Variants in SMC1B observed in about 807,000 individuals in gnomAD.
The protein encoded by SMC1B is structural maintenance of chromosomes protein 1B.
A neutral mutation model predicts 157.9 loss-of-function variants in SMC1B; 60 were observed. That is an observed-to-expected ratio of 0.38 (90% CI 0.31 to 0.47). The LOEUF is 0.47. Ranked by LOEUF, SMC1B falls within the 20% of genes least tolerant of loss-of-function variation. The pLI, the probability that SMC1B is intolerant of heterozygous loss-of-function variation, is 0.99. For missense variants in SMC1B, 1,165 were observed against 1,426.2 expected (o/e 0.82, Z 2.95); for synonymous variants, 445 against 483.0 (o/e 0.92, Z 1.03).
At chr22:45,399,854 T>G (rs191013695) in intron 5 of SMC1B, among the ~76,000 whole-genome samples, 3 of 152,152 alleles carry the variant, frequency 2.0e-5, no homozygotes, top group African/African-American at 4.8e-5. Flanking sequence ...ATGCTTTCCA[T>G]GGGGGTACGG....
chr22:45,371,765 C>A (rs751761179), intron 13 of SMC1B, among the ~76,000 whole-genome samples, 178 bp from the exon 14 acceptor site: 6 of 152,120 alleles, frequency 3.9e-5, no homozygotes. Flanking sequence ...TAATCTCAAT[C>A]ATGGGATAAA....
At chr22:45,394,351 G>A (rs965952357) in intron 8 of SMC1B, among the ~76,000 whole-genome samples, 24 of 151,936 alleles carry the variant, frequency 1.6e-4, no homozygotes, top group African/African-American at 5.1e-4. Context: ...ACATAAATAA[G>A]AAAGCTGCAA....
intron 11 of SMC1B, among the ~76,000 whole-genome samples, 182 bp from the exon 12 acceptor site, chr22:45,383,795 C>G (rs761627250): frequency 5.3e-5 from 8 of 152,110 alleles, no homozygotes; most frequent in Non-Finnish European, 8.8e-5. Flanking sequence ...AAATATAAAA[C>G]CCATTTTACT....
intron 12 of SMC1B, among the ~76,000 whole-genome samples, chr22:45,381,302 C>T (rs2086934521): frequency 6.6e-6 from 1 of 151,992 alleles, no homozygotes; most frequent in East Asian, 1.9e-4. Flanking sequence ...AATCACAGCA[C>T]CCCACAAGGA....
Position 45,386,528 on chromosome 22 carries a change from T to G in SMC1B, c.1911+339A>C, listed in dbSNP as rs567383281. Reference sequence around the variant, plus strand: ...AATAAATACCCAAAATCTTTCCTGGTATTCAAAACCACAGGTACCATATCC... The same window carrying G: ...AATAAATACCCAAAATCTTTCCTGGGATTCAAAACCACAGGTACCATATCC... On this transcript the variant is annotated intron_variant, in intron 11 of 24. Transcript: ENST00000357450. 4.6e-5 allele frequency among the ~76,000 whole-genome samples: 7 copies of G among 152,218 alleles called. No individual in the cohort carries two copies. In the East Asian group the frequency reaches 1.3e-3, roughly 29 times the overall value.
intron 19 of SMC1B, among the ~76,000 whole-genome samples, chr22:45,356,768 C>T (rs532058376): frequency 4.7e-4 from 62 of 132,086 alleles, no homozygotes; most frequent in South Asian, 9.6e-4. Context: ...CTTTCTCTGT[C>T]ACCCTGGCTG....
chr22:45,380,825 C>T (rs1353009365), intron 12 of SMC1B, among the ~76,000 whole-genome samples: 9 of 152,076 alleles, frequency 5.9e-5, no homozygotes, highest in South Asian at 2.1e-4. Context: ...ACTTGGGTGG[C>T]TGAGGTAGAA....
chr22:45,403,979 T>C (rs1000725729), intron 4 of SMC1B, among the ~76,000 whole-genome samples: 3 of 152,198 alleles, frequency 2.0e-5, no homozygotes, highest in Non-Finnish European at 4.4e-5. Flanking sequence ...TCTCACTCTG[T>C]CGCCCAGGCT....
chr22:45,354,220 G>A, intron 20 of SMC1B, 88 bp from the exon 21 acceptor site: 1 of 1,121,888 alleles, frequency 8.9e-7, no homozygotes, highest in South Asian at 2.4e-5. Context: ...TTTTAAAATT[G>A]GATTTGAGTT....
At chr22:45,387,681 A>G (rs184562461) in intron 10 of SMC1B, among the ~76,000 whole-genome samples, 1 of 152,330 alleles carries the variant, frequency 6.6e-6, no homozygotes, top group Admixed American at 6.5e-5. Flanking sequence ...ATCTAGTGAA[A>G]AATAATGCCC....
rs1438009374 is a variant in SMC1B, at chr22:45,389,815, G to A, written c.1628C>T (p.Thr543Ile). 6.2e-7 allele frequency: 1 copy of A among 1,614,086 alleles called. No individual in the cohort carries two copies. The highest frequency in any genetic ancestry group is 8.5e-7 in the Non-Finnish European group (1 of 1,179,966). ...AVTKVFGRFITAIVVASEKVA... is the reference protein window; with the variant it reads ...AVTKVFGRFIIAIVVASEKVA... ...CTTTTCAGAGGCTACAACAATGGCA[G>A]TGATGAACCGGCCAAAAACCTTAGT... The change falls in exon 10 of 25, where the codon ACT (threonine) becomes ATT (isoleucine). Residue 543 changes from threonine (T) to isoleucine (I), a missense_variant. Coordinates refer to ENST00000357450, the MANE Select transcript of SMC1B (RefSeq NM_148674.5).
intron 12 of SMC1B, among the ~76,000 whole-genome samples, chr22:45,374,305 T>C (rs865822461): frequency 2.5e-4 from 38 of 152,196 alleles, no homozygotes; most frequent in Middle Eastern, 6.8e-3. Context: ...AAAAAACTTT[T>C]AGATGATCAA....
intron 15 of SMC1B, among the ~76,000 whole-genome samples, chr22:45,364,186 C>T (rs779729047): frequency 2.0e-5 from 3 of 152,046 alleles, no homozygotes; most frequent in Admixed American, 6.6e-5. Flanking sequence ...AACTTGGGAA[C>T]GTTCATTCCT....
In SMC1B at chr22:45,352,570, A is replaced by T; in HGVS notation, c.3306T>A (p.Pro1102=). ...AFLSPENPEE[P]YLEGISYNCV... Reference sequence around the variant, plus strand: ...AGTTATAGCTAATTCCCTCCAAGTAAGGTTCTTCAGGGTTCTCTGGGCTAA... The same window carrying T: ...AGTTATAGCTAATTCCCTCCAAGTATGGTTCTTCAGGGTTCTCTGGGCTAA... Residue 1102 remains proline (P), a synonymous_variant, in exon 22 of 25, where the codon CCT becomes CCA. Coordinates refer to ENST00000357450, the MANE Select transcript of SMC1B (RefSeq NM_148674.5). 6.2e-7 allele frequency: 1 copy of T among 1,613,002 alleles called. No individual in the cohort carries two copies. Among genetic ancestry groups the T allele is most frequent in the Non-Finnish European group, 8.5e-7 (1 of 1,179,188 alleles).
chr22:45,396,375 A>T lies in SMC1B; in HGVS notation c.1225T>A (p.Phe409Ile). ...EQKTDEERLA[F>I]EKRRHGEVQG... ...ACTTCTCCATGCCTCCTCTTTTCAA[A>T]TGCCAGTCTTTCTTCATCTGTCTTC... The change falls in exon 7 of 25, where the codon TTT becomes ATT. Residue 409 changes from phenylalanine to isoleucine, a missense_variant. Transcript: ENST00000357450. The T allele has an allele frequency of 6.2e-7, 1 of 1,613,096 alleles. No homozygotes were observed. Among genetic ancestry groups the T allele is most frequent in the South Asian group, 1.1e-5 (1 of 90,882 alleles).
intron 24 of SMC1B, among the ~76,000 whole-genome samples, chr22:45,345,204 C>T (rs1455542238): frequency 6.6e-6 from 1 of 152,210 alleles, no homozygotes; most frequent in African/African-American, 2.4e-5. Context: ...TTAACATGGA[C>T]TTATTTCACG....
rs773825952 is a variant in SMC1B at position 45,413,594 on chromosome 22, G to T, written c.-27C>A. On this transcript the variant is annotated 5_prime_UTR_variant, in exon 1 of 25. Coordinates refer to ENST00000357450, the MANE Select transcript of SMC1B (RefSeq NM_148674.5). ...GCGCCGCCCTCCACGCCTCACCCGC[G>T]TTATCAAGCGCCCGCGGAAAAAGCG... The T allele has an allele frequency of 6.4e-7, 1 of 1,567,710 alleles. No individual in the cohort carries two copies. Among genetic ancestry groups the T allele is most frequent in the Non-Finnish European group, 8.7e-7 (1 of 1,152,418 alleles).
intron 19 of SMC1B, 59 bp downstream of exon 19, chr22:45,358,638 G>T: frequency 2.9e-6 from 3 of 1,024,336 alleles, no homozygotes; most frequent in South Asian, 1.6e-5. Flanking sequence ...AAATGATTCG[G>T]TAAGATTTAA....
chr22:45,403,180 C>T (rs564636135), intron 4 of SMC1B, among the ~76,000 whole-genome samples: 63 of 152,280 alleles, frequency 4.1e-4, no homozygotes, highest in Middle Eastern at 3.4e-3. Context: ...GAAGTTGTTT[C>T]GTTCTAACTG....
Sources: gnomAD v4.1 joint callset for allele counts (sites outside exome capture counted in the v4.1 genomes callset) on GRCh38, gnomAD v4.1.1 for gene constraint, MANE v1.5 for transcripts, NCBI Gene and HGNC (gene_info 2026-07-23, HGNC 2026-07-21) for gene names.